Variants in PALM2AKAP2 observed in about 807,000 individuals in gnomAD.
PALM2AKAP2 encodes the protein PALM2 and AKAP2 fusion, also known as PALM2-AKAP2 fusion protein.
PALM2AKAP2 carries 37 observed loss-of-function variants against 71.5 expected under a neutral mutation model. That is an observed-to-expected ratio of 0.52 (90% CI 0.40 to 0.68). The LOEUF (loss-of-function observed/expected upper bound fraction) is 0.68. Among genes scored for constraint, PALM2AKAP2 ranks in the 30% least tolerant of loss-of-function variants. The probability of loss-of-function intolerance (pLI) is 0.00; values close to 1 mark genes in which losing one functional copy is unlikely to be tolerated. For missense variants in PALM2AKAP2, 1,224 were observed against 1,191.8 expected, an observed-to-expected ratio of 1.03 and a Z score of -0.40; for synonymous variants, 468 against 478.8, an observed-to-expected ratio of 0.98 and a Z score of 0.29.
At chr9:109,646,619 T>G (rs1051624809) in intron 1 of PALM2AKAP2, among the ~76,000 whole-genome samples, 1 of 120,714 alleles carries the variant, frequency 8.3e-6, no homozygotes, top group African/African-American at 2.6e-5. Flanking sequence ...ACAGATAACT[T>G]AAGGTTCTTA....
chr9:110,152,180 T>C (rs1009619356), intron 2 of PALM2AKAP2, among the ~76,000 whole-genome samples: 1 of 152,016 alleles, frequency 6.6e-6, no homozygotes, highest in Non-Finnish European at 1.5e-5. Flanking sequence ...GAGGTTGCAA[T>C]GAACCCAGAT....
At chr9:109,668,960 G>T (rs574692290) in intron 1 of PALM2AKAP2, among the ~76,000 whole-genome samples, 1 of 152,284 alleles carries the variant, frequency 6.6e-6, no homozygotes, top group South Asian at 2.1e-4. Flanking sequence ...GGTCATCACT[G>T]ATTTTCATTC....
chr9:110,106,800 T>C (rs577398704), intron 1 of PALM2AKAP2, among the ~76,000 whole-genome samples: 1 of 152,334 alleles, frequency 6.6e-6, no homozygotes, highest in African/African-American at 2.4e-5. Flanking sequence ...GGATTGCCAT[T>C]TCAGTTCCCA....
At chr9:109,936,860 T>C (rs970842266) in intron 6 of PALM2AKAP2, among the ~76,000 whole-genome samples, 1 of 152,224 alleles carries the variant, frequency 6.6e-6, no homozygotes, top group African/African-American at 2.4e-5. Context: ...GCTTATATTT[T>C]AGATGTGGGC....
chr9:110,166,702 G>T (rs1263650363), intron 3 of PALM2AKAP2, among the ~76,000 whole-genome samples: 3 of 152,156 alleles, frequency 2.0e-5, no homozygotes, highest in African/African-American at 7.2e-5. Flanking sequence ...AGGAGGAAAA[G>T]GGGAGGCTTC....
chr9:109,778,370 A>G (rs1307896024), upstream of PALM2AKAP2, among the ~76,000 whole-genome samples: 3 of 152,228 alleles, frequency 2.0e-5, no homozygotes, highest in African/African-American at 4.8e-5. Flanking sequence ...ATTCTCTACA[A>G]TCACTCTGCT....
At chr9:109,883,048 A>G (rs531940903) in intron 3 of PALM2AKAP2, among the ~76,000 whole-genome samples, 1 of 152,154 alleles carries the variant, frequency 6.6e-6, no homozygotes, top group African/African-American at 2.4e-5. Flanking sequence ...TTATGGTCCA[A>G]TAGGTGGTAA....
chr9:109,711,787 A>G (rs117126069), intron 1 of PALM2AKAP2, among the ~76,000 whole-genome samples: 280 of 152,374 alleles, frequency 1.8e-3, no homozygotes, highest in Middle Eastern at 3.4e-3. Flanking sequence ...GGTACTCTGA[A>G]CACATTTCTG....
At chr9:109,953,560 A>C (rs7039009) in intron 6 of PALM2AKAP2, among the ~76,000 whole-genome samples, 1 of 151,898 alleles carries the variant, frequency 6.6e-6, no homozygotes, top group Non-Finnish European at 1.5e-5. Context: ...GCTGGAGGCC[A>C]GGTGCGGTGG....
At chr9:109,767,638 C>T (rs903616552) in intron 1 of PALM2AKAP2, among the ~76,000 whole-genome samples, 1 of 152,216 alleles carries the variant, frequency 6.6e-6, no homozygotes, top group Non-Finnish European at 1.5e-5. Context: ...TGAACCCCTC[C>T]CCTCGCTCCC....
intron 3 of PALM2AKAP2, among the ~76,000 whole-genome samples, chr9:109,884,009 C>T (rs755824923): frequency 6.6e-6 from 1 of 152,222 alleles, no homozygotes; most frequent in South Asian, 2.1e-4. Context: ...AGGGAAGAGA[C>T]AGCCAGCCAA....
chr9:109,975,393 T>C (rs952932105), intron 6 of PALM2AKAP2, among the ~76,000 whole-genome samples: 5 of 152,218 alleles, frequency 3.3e-5, no homozygotes, highest in South Asian at 2.1e-4. Context: ...ACTTTTGTGT[T>C]CTATTCTGGC....
In PALM2AKAP2 at chr9:109,644,561, T is replaced by G. The variant is rs149551993; in HGVS notation, c.5+3695T>G. 7.2e-5 allele frequency among the ~76,000 whole-genome samples: 11 copies of G among 152,334 alleles called. No homozygotes were observed. The East Asian group carries it at 2.1e-3, about 29-fold the overall frequency. On this transcript the variant is annotated intron_variant, in intron 1 of 6. Coordinates refer to the PALM2AKAP2 transcript ENST00000374531. ...TCAGTAAATATGTGTGTATACTGAT[T>G]GAATTTCTCCTCAGAAAAGGGGTTT... is the stretch of plus-strand genomic sequence containing the variant.
chr9:109,888,746 CTTA>C (rs1830022976), intron 3 of PALM2AKAP2, among the ~76,000 whole-genome samples: 2 of 139,662 alleles, frequency 1.4e-5, no homozygotes, highest in South Asian at 2.4e-4. Flanking sequence ...TAGTGCTGTT[CTTA>C]TTGTTGTTTC....
intron 1 of PALM2AKAP2, among the ~76,000 whole-genome samples, chr9:109,768,006 T>G (rs1203264649): frequency 1.1e-4 from 11 of 101,094 alleles, no homozygotes; most frequent in African/African-American, 2.4e-4. Context: ...CAAAGGCAGG[T>G]AGGTAGGAAG....
At chr9:109,841,781 T>G (rs1030101882) in intron 1 of PALM2AKAP2, among the ~76,000 whole-genome samples, 1 of 6,392 alleles carries the variant, frequency 1.6e-4, no homozygotes, top group Non-Finnish European at 2.7e-4. Context: ...AAGGAGAGGG[T>G]GGGGGGGTGG....
chr9:110,115,521 C>G (rs568960917), intron 1 of PALM2AKAP2, among the ~76,000 whole-genome samples: 2 of 152,136 alleles, frequency 1.3e-5, no homozygotes, highest in Non-Finnish European at 2.9e-5. Context: ...CTGTCCTGAT[C>G]CAGAATTACC....
intron 1 of PALM2AKAP2, among the ~76,000 whole-genome samples, chr9:110,083,692 G>C (rs533984584): frequency 1.1e-4 from 16 of 152,218 alleles, no homozygotes; most frequent in African/African-American, 3.9e-4. Context: ...GGATAAAATA[G>C]ATCACATACA....
intron 1 of PALM2AKAP2, among the ~76,000 whole-genome samples, chr9:110,061,443 A>G (rs1249318015): frequency 1.3e-5 from 2 of 151,992 alleles, no homozygotes; most frequent in Non-Finnish European, 2.9e-5. Context: ...ATGTGTTTTC[A>G]GTGAGTTTAA....
Sources: allele counts gnomAD v4.1 joint callset (sites outside exome capture counted in the v4.1 genomes callset), GRCh38; gene constraint gnomAD v4.1.1; transcripts MANE v1.5; gene names NCBI Gene and HGNC (gene_info 2026-07-23, HGNC 2026-07-21).